SRGAP1: variants seen among roughly 807,000 people sequenced by gnomAD.
SRGAP1 encodes the protein SLIT-ROBO Rho GTPase-activating protein 1.
SRGAP1 carries 43 observed loss-of-function variants against 121.9 expected under a neutral mutation model. The ratio of observed to expected loss-of-function variants is 0.35; its 90% CI spans 0.28 to 0.46. The LOEUF is 0.46. Among genes scored for constraint, SRGAP1 ranks in the 20% least tolerant of loss-of-function variants. The pLI, the probability that SRGAP1 is intolerant of heterozygous loss-of-function variation, is 1.00. For missense variants in SRGAP1, 1,102 were observed against 1,350.9 expected (o/e 0.82, Z 2.89); for synonymous variants, 447 against 485.4 (o/e 0.92, Z 1.04).
intron 1 of SRGAP1, among the ~76,000 whole-genome samples, chr12:63,857,986 G>A (rs2136262496): frequency 6.6e-6 from 1 of 152,242 alleles, no homozygotes. Context: ...TAGGTAAAGT[G>A]CAAATCTTTT....
chr12:64,059,788 A>T (rs562646506), intron 6 of SRGAP1, among the ~76,000 whole-genome samples: 29 of 152,314 alleles, frequency 1.9e-4, no homozygotes, highest in African/African-American at 6.7e-4. Context: ...TAGAATTTCT[A>T]AATTAACCAA....
At chr12:64,050,761 GT>G (rs1158437168) in intron 6 of SRGAP1, among the ~76,000 whole-genome samples, 1 of 152,138 alleles carries the variant, frequency 6.6e-6, no homozygotes, top group Non-Finnish European at 1.5e-5. Flanking sequence ...ATCTTGCTCT[GT>G]TGCCCAGGCT....
chr12:64,150,289 T>C lies in SRGAP1; in HGVS notation c.*7617T>C, dbSNP rs1375202253. ...CAGGAGATCGTCAGCTCTAGGATAT[T>C]TGCGATCCAATTCTGGCGACTTATG... On this transcript the variant is annotated 3_prime_UTR_variant, in exon 22 of 22. Coordinates refer to ENST00000355086, the MANE Select transcript of SRGAP1 (RefSeq NM_020762.4). 3 of 152,132 alleles carry C rather than the reference T, an allele frequency of 2.0e-5. No homozygotes were observed. The highest frequency in any genetic ancestry group is 3.9e-4 in the East Asian group (2 of 5,180). The allele number at this position is 152,132 out of a possible 1,614,324, so 9.4% of individuals were successfully genotyped here.
intron 1 of SRGAP1, among the ~76,000 whole-genome samples, chr12:63,903,993 G>T (rs1268762089): frequency 6.6e-6 from 1 of 151,952 alleles, no homozygotes; most frequent in African/African-American, 2.4e-5. Flanking sequence ...CTATATATAT[G>T]TAGGAATAAC....
chr12:64,057,391 A>C (rs748915904), intron 6 of SRGAP1, among the ~76,000 whole-genome samples: 1 of 152,210 alleles, frequency 6.6e-6, no homozygotes, highest in Non-Finnish European at 1.5e-5. Context: ...CATCTGGTTC[A>C]GTCCTGCAAG....
chr12:63,959,837 T>A (rs2032586084), intron 1 of SRGAP1, among the ~76,000 whole-genome samples: 1 of 152,210 alleles, frequency 6.6e-6, no homozygotes, highest in South Asian at 2.1e-4. Flanking sequence ...GTCACAAAGC[T>A]GGTAAAGTGG....
intron 1 of SRGAP1, among the ~76,000 whole-genome samples, chr12:63,904,915 C>T (rs1035116283): frequency 6.6e-6 from 1 of 152,126 alleles, no homozygotes; most frequent in African/African-American, 2.4e-5. Context: ...GCCTGAGTGA[C>T]AGAGCAGGAC....
At chr12:63,881,386 A>G (rs932235666) in intron 1 of SRGAP1, among the ~76,000 whole-genome samples, 1 of 152,236 alleles carries the variant, frequency 6.6e-6, no homozygotes, top group African/African-American at 2.4e-5. Flanking sequence ...TCAAAAATAA[A>G]TTGATGATCT....
At chr12:64,086,209 A>G (rs1202917146) in intron 10 of SRGAP1, among the ~76,000 whole-genome samples, 1 of 152,212 alleles carries the variant, frequency 6.6e-6, no homozygotes, top group Non-Finnish European at 1.5e-5. Flanking sequence ...TTTTGCAAAC[A>G]AACCAGCTGA....
At chr12:64,012,039 G>A (rs900819965) in intron 3 of SRGAP1, among the ~76,000 whole-genome samples, 1 of 151,704 alleles carries the variant, frequency 6.6e-6, no homozygotes, top group Non-Finnish European at 1.5e-5. Context: ...TTCAGCCTAG[G>A]TGACAGAGGG....
At position 64,011,914 on chromosome 12, in the gene SRGAP1, C is replaced by G. The variant is rs550130989; in HGVS notation, c.427-5036C>G. Among the ~76,000 whole-genome samples, 179 of 152,136 alleles carry G rather than the reference C, an allele frequency of 1.2e-3. 1 individual carries two copies. The highest frequency in any genetic ancestry group is 4.1e-3 in the African/African-American group (171 of 41,464). ...GCAGATCACTTGAGCCCAGCCTGGGCAACATGGCAAAACCCTCTCTACATA... is the reference window on the plus strand; with the variant it reads ...GCAGATCACTTGAGCCCAGCCTGGGGAACATGGCAAAACCCTCTCTACATA... On this transcript the variant is annotated intron_variant, in intron 3 of 21. Transcript: ENST00000355086.
intron 4 of SRGAP1, among the ~76,000 whole-genome samples, chr12:64,031,626 C>T (rs913809180): frequency 1.3e-5 from 2 of 152,118 alleles, no homozygotes; most frequent in African/African-American, 4.8e-5. Flanking sequence ...ATATACTACT[C>T]CTAAATGTCA....
At chr12:63,918,758 A>G (rs2030906525) in intron 1 of SRGAP1, among the ~76,000 whole-genome samples, 1 of 152,148 alleles carries the variant, frequency 6.6e-6, no homozygotes, top group Non-Finnish European at 1.5e-5. Context: ...CCATTTGTTC[A>G]TCCATTTATT....
intron 9 of SRGAP1, among the ~76,000 whole-genome samples, 173 bp from the exon 10 acceptor site, chr12:64,080,113 G>A (rs1369988046): frequency 6.6e-6 from 1 of 151,620 alleles, no homozygotes; most frequent in East Asian, 1.9e-4. Flanking sequence ...TGTGGTGGCG[G>A]GCGCTTATAA....
intron 5 of SRGAP1, 45 bp downstream of exon 5, chr12:64,043,017 A>T: frequency 1.4e-6 from 2 of 1,383,788 alleles, no homozygotes; most frequent in Non-Finnish European, 2.0e-6. Flanking sequence ...ATTTGAGGAG[A>T]CAATACTAAG....
chr12:63,949,002 A>G (rs1020274398), intron 1 of SRGAP1, among the ~76,000 whole-genome samples: 1 of 104,720 alleles, frequency 9.5e-6, no homozygotes, highest in Non-Finnish European at 1.8e-5. Flanking sequence ...TGTATTTTCC[A>G]TATATATATT....
Position 64,094,897 on chromosome 12 carries a change from C to T in SRGAP1, c.1540-35C>T, listed in dbSNP as rs755311510. On this transcript the variant is annotated intron_variant, in intron 12 of 21. Transcript: ENST00000355086. ...TTATTATGAGGCATTTATACCTCTC[C>T]CTTGAGGTTAACTGGTTTCCATCCC... is the stretch of plus-strand genomic sequence containing the variant. 1.8e-5 allele frequency: 29 copies of T among 1,595,356 alleles called. 1 individual carries two copies. In the South Asian group the frequency reaches 3.2e-4, roughly 18 times the overall value.
chr12:63,923,309 T>G (rs942079347), intron 1 of SRGAP1, among the ~76,000 whole-genome samples: 4 of 152,252 alleles, frequency 2.6e-5, no homozygotes, highest in African/African-American at 9.6e-5. Context: ...TACTATATAT[T>G]ATATTTACAA....
In SRGAP1 at chr12:64,094,938, G is replaced by C. The variant is rs2036124904; in HGVS notation, c.1546G>C (p.Gly516Arg). ...TTTCCATCCCTTTACCCAGGACTCA[G>C]GACAGGTTATTCCCCTCATTGTGGA... ...GDLETFVKDSGQVIPLIVESC... is the reference protein window; with the variant it reads ...GDLETFVKDSRQVIPLIVESC... The change falls in exon 13 of 22, where the codon GGA (glycine) becomes CGA (arginine). Residue 516 changes from glycine (G) to arginine (R), a missense_variant. Coordinates refer to ENST00000355086, the MANE Select transcript of SRGAP1 (RefSeq NM_020762.4). 2 of 1,614,066 alleles carry C rather than the reference G, an allele frequency of 1.2e-6. No individual in the cohort carries two copies. Among genetic ancestry groups the C allele is most frequent in the South Asian group, 1.1e-5 (1 of 91,078 alleles).
Sources: allele counts gnomAD v4.1 joint callset (sites outside exome capture counted in the v4.1 genomes callset), GRCh38; gene constraint gnomAD v4.1.1; transcripts MANE v1.5; gene names NCBI Gene and HGNC (gene_info 2026-07-23, HGNC 2026-07-21).